PECAM1: variants seen among roughly 807,000 people sequenced by gnomAD.
PECAM1 encodes platelet and endothelial cell adhesion molecule 1.
Under a neutral mutation model 13.8 loss-of-function variants are expected in PECAM1, and 8 were observed. The observed-to-expected ratio is 0.58, with a 90% CI of 0.34 to 1.05. PECAM1 has a LOEUF of 1.05. Ranked by LOEUF, PECAM1 falls within the 50% of genes least tolerant of loss-of-function variation. The pLI is 0.03. For missense variants in PECAM1, 304 were observed against 141.2 expected, an observed-to-expected ratio of 2.15 and a Z score of -5.84; for synonymous variants, 136 against 52.6, an observed-to-expected ratio of 2.58 and a Z score of -6.86.
intron 2 of PECAM1, among the ~76,000 whole-genome samples, chr17:64,379,299 C>T (rs2036430957): frequency 6.6e-6 from 1 of 152,234 alleles, no homozygotes; most frequent in East Asian, 1.9e-4. Context: ...ATTCAGCTAA[C>T]TACAGATCAC....
intron 4 of PECAM1, among the ~76,000 whole-genome samples, chr17:64,373,990 C>G (rs1357505081): frequency 1.3e-5 from 2 of 152,108 alleles, no homozygotes; most frequent in African/African-American, 4.8e-5. Flanking sequence ...GGGAGCATTT[C>G]CCAGGCCACC....
chr17:64,344,365 G>T (rs941150101), intron 13 of PECAM1, among the ~76,000 whole-genome samples: 1 of 152,166 alleles, frequency 6.6e-6, no homozygotes, highest in Non-Finnish European at 1.5e-5. Flanking sequence ...TGTCTCTGCT[G>T]TCAGGGATGT....
At chr17:64,344,669 T>C (rs2143746558) in intron 13 of PECAM1, among the ~76,000 whole-genome samples, 1 of 152,166 alleles carries the variant, frequency 6.6e-6, no homozygotes, top group South Asian at 2.1e-4. Flanking sequence ...ACTGGCCTTG[T>C]ACCCACAAAG....
intron 14 of PECAM1, among the ~76,000 whole-genome samples, chr17:64,340,609 C>T (rs2035401746): frequency 6.6e-6 from 1 of 151,742 alleles, no homozygotes; most frequent in African/African-American, 2.4e-5. Context: ...GTTATTATAC[C>T]CCCCCACCGA....
chr17:64,323,730 G>C lies in PECAM1; in HGVS notation c.*86C>G. The C allele has an allele frequency of 7.1e-7, 1 of 1,412,496 alleles. No homozygotes were observed. The allele number at this position is 1,412,496 out of a possible 1,614,324, so 87.5% of individuals were successfully genotyped here. A position where few individuals can be genotyped will look rare whatever the true frequency, so the allele number is the denominator to read the frequency against. ...GGGAGCAGGGCAGGTTCATAAATAA[G>C]TGCACAGAGGTCTTGAAATACAGGG... On this transcript the variant is annotated 3_prime_UTR_variant, in exon 16 of 16. Coordinates refer to ENST00000563924, the MANE Select transcript of PECAM1 (RefSeq NM_000442.5).
Position 64,323,255 on chromosome 17 carries a change from T to C in PECAM1, c.*561A>G. Reference sequence around the variant, plus strand: ...GTATTTCACAGGCGGTGCTCCCAAGTAGTCTGGTTTTCCCATTTGTGGAGG... The same window carrying C: ...GTATTTCACAGGCGGTGCTCCCAAGCAGTCTGGTTTTCCCATTTGTGGAGG... On this transcript the variant is annotated 3_prime_UTR_variant, in exon 16 of 16. Coordinates refer to ENST00000563924, the MANE Select transcript of PECAM1 (RefSeq NM_000442.5). The C allele has an allele frequency of 1.0e-6, 1 of 993,148 alleles. No homozygotes were observed. Among genetic ancestry groups the C allele is most frequent in the Non-Finnish European group, 1.2e-6 (1 of 834,496 alleles). 61.5% of individuals were successfully genotyped at this position (993,148 alleles called of 1,614,324 possible). A position where few individuals can be genotyped will look rare whatever the true frequency, so the allele number is the denominator to read the frequency against.
At chr17:64,390,349 C>A in intron 2 of PECAM1, 140 bp downstream of exon 2, 1 of 410,026 alleles carries the variant, frequency 2.4e-6, no homozygotes. Flanking sequence ...ATGGGATAAA[C>A]TTTAGTTCTC....
intron 6 of PECAM1, among the ~76,000 whole-genome samples, chr17:64,360,876 G>A (rs1035166338): frequency 6.7e-6 from 1 of 148,748 alleles, no homozygotes; most frequent in Non-Finnish European, 1.5e-5. Flanking sequence ...CTATTACCCA[G>A]GCTGGAGTGC....
rs56345522 is a variant in PECAM1 at position 64,363,559 on chromosome 17, A to G, written c.968-162T>C. Among the ~76,000 whole-genome samples the G allele has an allele frequency of 4.2e-3, 633 of 152,292 alleles. 5 individuals carry two copies. Among genetic ancestry groups the G allele is most frequent in the Non-Finnish European group, 6.3e-3 (427 of 68,028 alleles). ...TCATGTACCTAACGATCACCCCAGT[A>G]AGGAGCTAGGGTTCATTCTTTGCCT... is the stretch of plus-strand genomic sequence containing the variant. On this transcript the variant is annotated intron_variant, in intron 5 of 15. Coordinates refer to ENST00000563924, the MANE Select transcript of PECAM1 (RefSeq NM_000442.5).
At chr17:64,378,439 A>G (rs2036411778) in intron 2 of PECAM1, among the ~76,000 whole-genome samples, 1 of 152,214 alleles carries the variant, frequency 6.6e-6, no homozygotes, top group Admixed American at 6.5e-5. Context: ...GTCAGCAGTT[A>G]GAGACTGGCC....
At chr17:64,370,957 A>G (rs2036224627) in intron 4 of PECAM1, among the ~76,000 whole-genome samples, 1 of 152,262 alleles carries the variant, frequency 6.6e-6, no homozygotes, top group African/African-American at 2.4e-5. Context: ...ATTAGAAGTT[A>G]TCATAAAATA....
In PECAM1 at chr17:64,322,725, GT is replaced by G; in HGVS notation, c.*1090del. 1.1e-6 allele frequency: 1 copy of G among 937,346 alleles called. No individual in the cohort carries two copies. The highest frequency in any genetic ancestry group is 1.2e-6 in the Non-Finnish European group (1 of 805,514). The allele number at this position is 937,346 out of a possible 1,614,324, so 58.1% of individuals were successfully genotyped here. On this transcript the variant is annotated 3_prime_UTR_variant, in exon 16 of 16. Coordinates refer to ENST00000563924, the MANE Select transcript of PECAM1 (RefSeq NM_000442.5). ...TCTTTAGCAAGCAATTTTGTTTTTT[GT>G]TTTTTTTGAGATGGATTCTCACTCT...
At position 64,341,704 on chromosome 17, in the gene PECAM1, C is replaced by A; in HGVS notation, c.2108-14G>T. ...TCTTTCCTAGATCTGGAAAAAGGAC[C>A]AGGCATAAGTTAGTAGCTGCCTCTG... On this transcript the variant is annotated splice_polypyrimidine_tract_variant and intron_variant, in intron 13 of 15. Coordinates refer to ENST00000563924, the MANE Select transcript of PECAM1 (RefSeq NM_000442.5). 3 of 433,294 alleles carry A rather than the reference C, an allele frequency of 6.9e-6. No homozygotes were observed. The highest frequency in any genetic ancestry group is 3.3e-5 in the East Asian group (1 of 29,964). The allele number at this position is 433,294 out of a possible 1,614,324, so 26.8% of individuals were successfully genotyped here.
At chr17:64,341,487 G>T in intron 14 of PECAM1, 147 bp downstream of exon 14, 1 of 398,896 alleles carries the variant, frequency 2.5e-6, no homozygotes. Flanking sequence ...AGGGTGGTGG[G>T]AGAGAGGAAG....
intron 14 of PECAM1, among the ~76,000 whole-genome samples, chr17:64,332,259 T>C (rs1597995100): frequency 6.6e-6 from 1 of 152,074 alleles, no homozygotes; most frequent in Non-Finnish European, 1.5e-5. Flanking sequence ...CTTCCATGCA[T>C]TGAGTGAGGT....
intron 12 of PECAM1, 57 bp downstream of exon 12, chr17:64,350,323 A>G: frequency 2.4e-6 from 1 of 409,148 alleles, no homozygotes; most frequent in Non-Finnish European, 4.5e-6. Flanking sequence ...TTTTCCTATG[A>G]GTCTTTTTTT....
chr17:64,385,185 C>T (rs1373245062), intron 2 of PECAM1, among the ~76,000 whole-genome samples: 1 of 152,212 alleles, frequency 6.6e-6, no homozygotes, highest in Admixed American at 6.5e-5. Flanking sequence ...GAGGTCAGAT[C>T]TTTTCAACCC....
intron 2 of PECAM1, among the ~76,000 whole-genome samples, chr17:64,389,159 C>T (rs909194464): frequency 6.6e-6 from 1 of 152,208 alleles, no homozygotes; most frequent in African/African-American, 2.4e-5. Context: ...GGCCACTGCT[C>T]CGAGGCTTGA....
At chr17:64,369,307 T>C (rs930631959) in intron 5 of PECAM1, among the ~76,000 whole-genome samples, 15 of 152,326 alleles carry the variant, frequency 9.8e-5, no homozygotes, top group African/African-American at 3.6e-4. Context: ...GTCTGGGATC[T>C]AGCATAGTGC....
Sources: allele counts gnomAD v4.1 joint callset (sites outside exome capture counted in the v4.1 genomes callset), GRCh38; gene constraint gnomAD v4.1.1; transcripts MANE v1.5; gene names NCBI Gene and HGNC (gene_info 2026-07-23, HGNC 2026-07-21).